The following SHROOM3 variants were observed in gnomAD, a reference collection of about 807,000 sequenced individuals.
The protein encoded by SHROOM3 is protein Shroom3.
In SHROOM3, 47 loss-of-function variants were observed where a neutral mutation model predicts 138.6. That is an observed-to-expected ratio of 0.34 (90% CI 0.27 to 0.43). SHROOM3 has a LOEUF of 0.43. Among genes scored for constraint, SHROOM3 ranks in the 20% least tolerant of loss-of-function variants. The pLI, the probability that SHROOM3 is intolerant of heterozygous loss-of-function variation, is 1.00. For synonymous variants in SHROOM3, 1,062 were observed against 1,063.3 expected, an observed-to-expected ratio of 1.00 and a Z score of 0.02; for missense variants, 2,491 against 2,596.5, an observed-to-expected ratio of 0.96 and a Z score of 0.88.
chr4:76,689,875 G>A (rs1197292953), intron 2 of SHROOM3, among the ~76,000 whole-genome samples: 1 of 152,188 alleles, frequency 6.6e-6, no homozygotes, highest in African/African-American at 2.4e-5. Flanking sequence ...GGCGTGCTCC[G>A]AGGGTCTCCT....
At position 76,554,491 on chromosome 4, in the gene SHROOM3, C is replaced by A. The variant is rs555376577; in HGVS notation, c.169-1118C>A. Among the ~76,000 whole-genome samples, 9 of 149,028 alleles carry A rather than the reference C, an allele frequency of 6.0e-5. No individual in the cohort carries two copies. The South Asian group carries it at 1.9e-3, about 32-fold the overall frequency. ...CTGGAGTGCAGTGGCGTGATCTCAG[C>A]TCACTGCAAGCGTCGGCTCTTGGGT... On this transcript the variant is annotated intron_variant, in intron 1 of 10. Coordinates refer to ENST00000296043, the MANE Select transcript of SHROOM3 (RefSeq NM_020859.4).
intron 2 of SHROOM3, among the ~76,000 whole-genome samples, chr4:76,617,154 G>A (rs1734900446): frequency 6.6e-6 from 1 of 152,214 alleles, no homozygotes; most frequent in Non-Finnish European, 1.5e-5. Flanking sequence ...TCCTGGCTCT[G>A]TCTTAGACTA....
chr4:76,613,636 C>T (rs956643111), intron 2 of SHROOM3, among the ~76,000 whole-genome samples: 1 of 152,190 alleles, frequency 6.6e-6, no homozygotes, highest in Admixed American at 6.5e-5. Context: ...CCCATTCAAA[C>T]CTGTCTTCAA....
chr4:76,720,158 T>G (rs1005576322), intron 3 of SHROOM3, among the ~76,000 whole-genome samples: 128 of 97,536 alleles, frequency 1.3e-3, no homozygotes, highest in African/African-American at 5.0e-3. Flanking sequence ...TAGGTTTTTT[T>G]TTTTTTTTTT....
intron 10 of SHROOM3, among the ~76,000 whole-genome samples, chr4:76,774,499 T>C (rs1454357316): frequency 6.6e-6 from 1 of 152,106 alleles, no homozygotes; most frequent in Non-Finnish European, 1.5e-5. Context: ...TTTTTTAATC[T>C]GCAGCCAATA....
chr4:76,554,425 T>G (rs1191780626), intron 1 of SHROOM3, among the ~76,000 whole-genome samples: 1 of 148,566 alleles, frequency 6.7e-6, no homozygotes, highest in Non-Finnish European at 1.5e-5. Context: ...TTGTGTTTTT[T>G]TTTTTTTTTT....
intron 1 of SHROOM3, among the ~76,000 whole-genome samples, chr4:76,438,168 C>A (rs1169203040): frequency 6.6e-6 from 1 of 152,200 alleles, no homozygotes; most frequent in Non-Finnish European, 1.5e-5. Context: ...GAATTTATTT[C>A]TCTGACATAA....
chr4:76,733,617 C>T (rs1720946406), intron 4 of SHROOM3, among the ~76,000 whole-genome samples: 2 of 152,206 alleles, frequency 1.3e-5, no homozygotes, highest in East Asian at 1.9e-4. Flanking sequence ...ATCTTGGCAG[C>T]GGCAGGTGGA....
chr4:76,652,807 G>GTA (rs1432764625), intron 2 of SHROOM3, among the ~76,000 whole-genome samples: 1 of 151,600 alleles, frequency 6.6e-6, no homozygotes, highest in Non-Finnish European at 1.5e-5. Context: ...GTGTGTGTGT[G>GTA]TATATATATA....
intron 3 of SHROOM3, among the ~76,000 whole-genome samples, chr4:76,724,538 T>C (rs1720644422): frequency 6.6e-6 from 1 of 152,202 alleles, no homozygotes; most frequent in Non-Finnish European, 1.5e-5. Flanking sequence ...ATGCGTATAG[T>C]ATAAAATTTG....
At position 76,741,004 on chromosome 4, in the gene SHROOM3, G is replaced by A. The variant is rs145035894; in HGVS notation, c.2831G>A (p.Arg944Gln). 1.3e-6 allele frequency: 2 copies of A among 1,487,738 alleles called. No homozygotes were observed. The highest frequency in any genetic ancestry group is 1.8e-6 in the Non-Finnish European group (2 of 1,122,882). 92.2% of individuals were successfully genotyped at this position (1,487,738 alleles called of 1,614,324 possible). A position where few individuals can be genotyped will look rare whatever the true frequency, so the allele number is the denominator to read the frequency against. Residue 944 changes from arginine to glutamine, a missense_variant, in exon 5 of 11, where the codon CGA (arginine) becomes CAA (glutamine). Arg to Gln is a conservative substitution (Grantham distance 43). Transcript: ENST00000296043. The surrounding 1 kb of genome is among the most constrained non-coding windows in gnomAD (Gnocchi z 6.2). ...RVLGATSFRRRDLELGAPVAS... is the reference protein window; with the variant it reads ...RVLGATSFRRQDLELGAPVAS... ...TTGGGGGCCACCTCCTTTCGACGTC[G>A]AGACCTGGAGCTGGGGGCGCCCGTG...
intron 2 of SHROOM3, among the ~76,000 whole-genome samples, chr4:76,651,119 A>C (rs949164322): frequency 5.3e-5 from 8 of 151,878 alleles, no homozygotes; most frequent in African/African-American, 1.9e-4. Flanking sequence ...GAAGGATGTT[A>C]CCATAGGCTG....
chr4:76,663,971 C>T (rs1158928278), intron 2 of SHROOM3, among the ~76,000 whole-genome samples: 1 of 152,222 alleles, frequency 6.6e-6, no homozygotes, highest in Non-Finnish European at 1.5e-5. Flanking sequence ...TTCTGAGATA[C>T]CTTGTCTGAC....
intron 9 of SHROOM3, among the ~76,000 whole-genome samples, chr4:76,767,195 C>T (rs1722184623): frequency 6.6e-6 from 1 of 152,194 alleles, no homozygotes; most frequent in Non-Finnish European, 1.5e-5. Flanking sequence ...ACCATGCTCA[C>T]CTCAGGGCCA....
chr4:76,685,217 T>C (rs576829020), intron 2 of SHROOM3, among the ~76,000 whole-genome samples: 1 of 152,284 alleles, frequency 6.6e-6, no homozygotes, highest in African/African-American at 2.4e-5. Context: ...TCAACTTATA[T>C]ATAAGTTGTT....
At chr4:76,649,808 G>A (rs1735913677) in intron 2 of SHROOM3, among the ~76,000 whole-genome samples, 1 of 152,122 alleles carries the variant, frequency 6.6e-6, no homozygotes, top group East Asian at 1.9e-4. Context: ...GCACAACCTT[G>A]GTAGGTTGTA....
chr4:76,721,224 T>C (rs976355293), intron 3 of SHROOM3, among the ~76,000 whole-genome samples: 11 of 148,436 alleles, frequency 7.4e-5, no homozygotes, highest in Non-Finnish European at 1.2e-4. Flanking sequence ...GGCAGGAGAA[T>C]GGCGTGAACC....
Position 76,739,857 on chromosome 4 carries a change from G to T in SHROOM3, c.1684G>T (p.Val562Leu). 6.2e-7 allele frequency: 1 copy of T among 1,614,224 alleles called. No individual in the cohort carries two copies. Among genetic ancestry groups the T allele is most frequent in the Non-Finnish European group, 8.5e-7 (1 of 1,180,054 alleles). The change falls in exon 5 of 11, where the codon GTG becomes TTG. Residue 562 changes from valine to leucine, a missense_variant. By Grantham distance (32) the Val-to-Leu change is conservative (BLOSUM62 1). Coordinates refer to ENST00000296043, the MANE Select transcript of SHROOM3 (RefSeq NM_020859.4). ...YVPSKVHFCS[V>L]PENEEDASLK... The stretch of plus-strand genomic sequence containing the variant: ...CCCCTCCAAAGTCCATTTCTGTTCA[G>T]TGCCTGAAAATGAGGAGGATGCCTC...
chr4:76,600,545 T>C (rs1734484585), intron 2 of SHROOM3, among the ~76,000 whole-genome samples: 1 of 152,204 alleles, frequency 6.6e-6, no homozygotes. Flanking sequence ...ATTAATTAAC[T>C]ACCAGTCCAT....
Sources: gnomAD v4.1 joint callset for allele counts (sites outside exome capture counted in the v4.1 genomes callset) on GRCh38, gnomAD v4.1.1 for gene constraint, Gnocchi (gnomAD v3.1) non-coding constraint, MANE v1.5 for transcripts, NCBI Gene and HGNC (gene_info 2026-07-23, HGNC 2026-07-21) for gene names.